Variants in TMEM87B observed in about 807,000 individuals in gnomAD.
The protein encoded by TMEM87B is transmembrane protein 87B.
Under a neutral mutation model 80.3 loss-of-function variants are expected in TMEM87B, and 83 were observed. The observed-to-expected ratio is 1.03, with a 90% CI of 0.87 to 1.24. TMEM87B has a LOEUF of 1.24. Among genes scored for constraint, TMEM87B ranks in the 50% most tolerant of loss-of-function variants. TMEM87B has a pLI of 0.00. For synonymous variants in TMEM87B, 219 were observed against 230.5 expected, an observed-to-expected ratio of 0.95 and a Z score of 0.45; for missense variants, 625 against 674.4, an observed-to-expected ratio of 0.93 and a Z score of 0.81.
chr2:112,108,994 T>C (rs1010328970), intron 17 of TMEM87B, among the ~76,000 whole-genome samples: 1 of 152,204 alleles, frequency 6.6e-6, no homozygotes, highest in African/African-American at 2.4e-5. Flanking sequence ...ACCTTTTTGA[T>C]TTTAGCTCTT....
At chr2:112,088,413 A>G (rs1001002180) in intron 9 of TMEM87B, among the ~76,000 whole-genome samples, 5 of 152,220 alleles carry the variant, frequency 3.3e-5, no homozygotes, top group African/African-American at 9.6e-5. Flanking sequence ...GAGCAGTAAC[A>G]GTTCTGGTTA....
At chr2:112,069,821 C>A (rs2104462727) in intron 4 of TMEM87B, among the ~76,000 whole-genome samples, 1 of 152,328 alleles carries the variant, frequency 6.6e-6, no homozygotes. Context: ...TCTCCACAAC[C>A]TTGCCAGCAT....
At chr2:112,069,862 A>G (rs62157795) in intron 4 of TMEM87B, among the ~76,000 whole-genome samples, 23,321 of 152,154 alleles carry the variant, frequency 0.15, 1,914 homozygotes, top group South Asian at 0.21. Flanking sequence ...AATAATAGCC[A>G]TTCTGACTGG....
In TMEM87B at chr2:112,055,295, G is replaced by T. The variant is rs1029649182; in HGVS notation, c.-297G>T. ...TCTTCACGCCCACGCTAGGCCCTGA[G>T]CCCAGCCTCCACGTCTCGCCGCCAA... On this transcript the variant is annotated 5_prime_UTR_variant, in exon 1 of 19. Coordinates refer to ENST00000283206, the MANE Select transcript of TMEM87B (RefSeq NM_032824.3). 6.4e-5 allele frequency: 29 copies of T among 453,010 alleles called. No homozygotes were observed. The highest frequency in any genetic ancestry group is 1.1e-4 in the Non-Finnish European group (28 of 256,334). The allele number at this position is 453,010 out of a possible 1,614,324, so 28.1% of individuals were successfully genotyped here.
At chr2:112,075,897 A>G (rs1678798411) in intron 5 of TMEM87B, among the ~76,000 whole-genome samples, 1 of 152,230 alleles carries the variant, frequency 6.6e-6, no homozygotes, top group South Asian at 2.1e-4. Context: ...ATTCAGGAAA[A>G]TGGAGTATAA....
At chr2:112,095,380 TG>T in intron 11 of TMEM87B, 1 of 984,780 alleles carries the variant, frequency 1.0e-6, no homozygotes, top group Non-Finnish European at 1.2e-6. Flanking sequence ...TTTCCTTCCA[TG>T]GCAGGAATGA....
At chr2:112,099,182 CT>C (rs1199538588) in intron 14 of TMEM87B, among the ~76,000 whole-genome samples, 2 of 152,182 alleles carry the variant, frequency 1.3e-5, no homozygotes, top group Non-Finnish European at 2.9e-5. Flanking sequence ...AGCTTCCTTG[CT>C]TTATCCCTTT....
At chr2:112,059,213 C>T (rs2104451865) in intron 1 of TMEM87B, among the ~76,000 whole-genome samples, 1 of 152,118 alleles carries the variant, frequency 6.6e-6, no homozygotes, top group East Asian at 1.9e-4. Flanking sequence ...TCTCTAACTG[C>T]AGGATTTTTA....
At chr2:112,116,042 A>T in intron 18 of TMEM87B, 42 bp from the exon 19 acceptor site, 2 of 1,521,688 alleles carry the variant, frequency 1.3e-6, no homozygotes, top group Non-Finnish European at 1.8e-6. Context: ...TTCTGGAAGT[A>T]GTATCAACAT....
intron 15 of TMEM87B, among the ~76,000 whole-genome samples, chr2:112,104,876 G>A (rs1167982177): frequency 6.6e-6 from 1 of 152,152 alleles, no homozygotes; most frequent in South Asian, 2.1e-4. Flanking sequence ...ATACTTTTCA[G>A]TAATAAAAAG....
intron 18 of TMEM87B, among the ~76,000 whole-genome samples, chr2:112,113,315 T>G (rs1450324365): frequency 2.6e-5 from 4 of 152,332 alleles, no homozygotes; most frequent in Non-Finnish European, 5.9e-5. Flanking sequence ...GGAAAGTTTT[T>G]GGGAAAAAAA....
intron 4 of TMEM87B, among the ~76,000 whole-genome samples, chr2:112,068,743 C>T (rs1449169727): frequency 2.6e-5 from 4 of 152,098 alleles, no homozygotes; most frequent in Non-Finnish European, 5.9e-5. Flanking sequence ...ACCATGTAGA[C>T]CCTGATGAAT....
In TMEM87B at chr2:112,055,412, C is replaced by T; in HGVS notation, c.-180C>T. 1 of 674,626 alleles carries T rather than the reference C, an allele frequency of 1.5e-6. No homozygotes were observed. Among genetic ancestry groups the T allele is most frequent in the Non-Finnish European group, 2.3e-6 (1 of 435,610 alleles). 41.8% of individuals were successfully genotyped at this position (674,626 alleles called of 1,614,324 possible). Reference sequence around the variant, plus strand: ...GAGCCCTAAGCCCTGCCTCCCGGTCCTGGCCGGGTTTCCCAGAACTGCACG... The same window carrying T: ...GAGCCCTAAGCCCTGCCTCCCGGTCTTGGCCGGGTTTCCCAGAACTGCACG... On this transcript the variant is annotated 5_prime_UTR_variant, in exon 1 of 19. Transcript: ENST00000283206.
At chr2:112,084,434 A>G (rs533337976) in intron 8 of TMEM87B, among the ~76,000 whole-genome samples, 2 of 152,332 alleles carry the variant, frequency 1.3e-5, no homozygotes, top group East Asian at 3.9e-4. Context: ...CTGAATGGCA[A>G]AAAGGGAGCT....
intron 9 of TMEM87B, 41 bp downstream of exon 9, chr2:112,086,145 A>C: frequency 3.3e-6 from 5 of 1,497,314 alleles, no homozygotes; most frequent in Non-Finnish European, 4.6e-6. Context: ...GTCCCAGCCC[A>C]GTGATTCAGT....
chr2:112,102,938 G>T (rs1277684706), intron 15 of TMEM87B, among the ~76,000 whole-genome samples: 2 of 152,044 alleles, frequency 1.3e-5, no homozygotes, highest in Non-Finnish European at 2.9e-5. Context: ...TTGTATGGGA[G>T]GTCCTACCTA....
chr2:112,116,100 C>T lies in TMEM87B; in HGVS notation c.1625C>T (p.Ser542Phe), dbSNP rs775008767. 6 of 1,612,318 alleles carry T rather than the reference C, an allele frequency of 3.7e-6. No homozygotes were observed. The highest frequency in any genetic ancestry group is 5.1e-6 in the Non-Finnish European group (6 of 1,179,460). Reference protein sequence around the residue: ...VDSDEEIMTRSEMAEKMFSSE... With the variant: ...VDSDEEIMTRFEMAEKMFSSE... Reference sequence around the variant, plus strand: ...TTTCTTCAGGAAATCATGACCAGATCTGAAATGGCTGAAAAAATGTTCTCT... The same window carrying T: ...TTTCTTCAGGAAATCATGACCAGATTTGAAATGGCTGAAAAAATGTTCTCT... Residue 542 changes from serine (S) to phenylalanine (F), a missense_variant, in exon 19 of 19, where the codon TCT becomes TTT. Ser to Phe is a radical substitution (Grantham distance 155, BLOSUM62 -2). Transcript: ENST00000283206.
In TMEM87B at chr2:112,059,981, C is replaced by G. The variant is rs1408770802; in HGVS notation, c.170C>G (p.Ser57Ter). 1 of 1,593,218 alleles carries G rather than the reference C, an allele frequency of 6.3e-7. No individual in the cohort carries two copies. The highest frequency in any genetic ancestry group is 1.7e-5 in the Admixed American group (1 of 58,146). Residue 57 changes from serine to a stop codon, truncating the protein, a stop_gained, in exon 2 of 19, where the codon TCA becomes TGA. Coordinates refer to ENST00000283206, the MANE Select transcript of TMEM87B (RefSeq NM_032824.3). LOFTEE classifies it high-confidence loss of function. ...TGTGTTTGTTTTTCATTTTAGAAAT[C>G]AGGACCTTTGATATTTAGGAAAACT... ...GLWLETVNDK[S>*]GPLIFRKTMF...
chr2:112,080,746 T>G (rs1678969634), intron 6 of TMEM87B, among the ~76,000 whole-genome samples: 1 of 152,224 alleles, frequency 6.6e-6, no homozygotes, highest in Non-Finnish European at 1.5e-5. Flanking sequence ...GTAATCCCAT[T>G]TGTCTATTTT....
Sources: gnomAD v4.1 joint callset for allele counts (sites outside exome capture counted in the v4.1 genomes callset) on GRCh38, gnomAD v4.1.1 for gene constraint, MANE v1.5 for transcripts, NCBI Gene and HGNC (gene_info 2026-07-23, HGNC 2026-07-21) for gene names.